SH3RF1: variants seen among roughly 807,000 people sequenced by gnomAD.
The protein encoded by SH3RF1 is E3 ubiquitin-protein ligase SH3RF1.
In SH3RF1, 32 loss-of-function variants were observed where a neutral mutation model predicts 74.0. The observed-to-expected ratio is 0.43, with a 90% CI of 0.33 to 0.58. The LOEUF is 0.58. Ranked by LOEUF, SH3RF1 falls within the 20% of genes least tolerant of loss-of-function variation. The pLI, the probability that SH3RF1 is intolerant of heterozygous loss-of-function variation, is 0.05. For synonymous variants in SH3RF1, 396 were observed against 439.6 expected, an observed-to-expected ratio of 0.90 and a Z score of 1.24; for missense variants, 954 against 1,130.9, an observed-to-expected ratio of 0.84 and a Z score of 2.24.
chr4:169,139,007 A>C (rs1733741681), intron 4 of SH3RF1, among the ~76,000 whole-genome samples: 1 of 152,196 alleles, frequency 6.6e-6, no homozygotes, highest in Non-Finnish European at 1.5e-5. Context: ...GCTGAAGTGC[A>C]GTGGCACATT....
intron 11 of SH3RF1, among the ~76,000 whole-genome samples, chr4:169,098,866 A>T (rs1732971875): frequency 2.0e-5 from 3 of 152,218 alleles, no homozygotes; most frequent in Admixed American, 2.0e-4. Flanking sequence ...TGCTCTTCGT[A>T]TGGTGTCTGA....
rs1732887268 is a variant in SH3RF1 at position 169,094,853 on chromosome 4, A to T, written c.*1666T>A. 6.6e-6 allele frequency: 1 copy of T among 151,650 alleles called. No homozygotes were observed. The highest frequency in any genetic ancestry group is 2.1e-4 in the South Asian group (1 of 4,798). 9.4% of individuals were successfully genotyped at this position (151,650 alleles called of 1,614,324 possible). A position where few individuals can be genotyped will look rare whatever the true frequency, so the allele number is the denominator to read the frequency against. ...TAAAGTATCTTTTTAAGACCATGAA[A>T]CCTCTTGTCATTGCAAGACTTTTCA... On this transcript the variant is annotated 3_prime_UTR_variant, in exon 12 of 12. Transcript: ENST00000284637.
At chr4:169,200,918 C>T (rs1411092822) in intron 2 of SH3RF1, among the ~76,000 whole-genome samples, 1 of 151,996 alleles carries the variant, frequency 6.6e-6, no homozygotes, top group African/African-American at 2.4e-5. Context: ...GAATACTTGG[C>T]CCTTTCAAAG....
chr4:169,269,991 T>C (rs1477729142), intron 1 of SH3RF1: 2 of 152,196 alleles, frequency 1.3e-5, no homozygotes, highest in Non-Finnish European at 2.9e-5. Flanking sequence ...CCTAATCCCA[T>C]TCAGAAAAGC....
At position 169,123,891 on chromosome 4, in the gene SH3RF1, C is replaced by CAA. The variant is rs11324240; in HGVS notation, c.1180-1627_1180-1626dup. On this transcript the variant is annotated intron_variant, in intron 6 of 11. Transcript: ENST00000284637. ...TGGGTGACAGAGCAAGACTCCGTCTCAAAAAAAAAAAAAATTGTTATAGCT... is the reference window on the plus strand; with the variant it reads ...TGGGTGACAGAGCAAGACTCCGTCTCAAAAAAAAAAAAAAAATTGTTATAGCT... Among the ~76,000 whole-genome samples the CAA allele has an allele frequency of 4.4e-3, 593 of 134,806 alleles. 3 individuals are homozygous for CAA. The highest frequency in any genetic ancestry group is 0.015 in the African/African-American group (548 of 37,078). The allele number at this position is 134,806 out of a possible 152,430, so 88.4% of individuals were successfully genotyped here.
intron 4 of SH3RF1, among the ~76,000 whole-genome samples, chr4:169,142,933 A>G (rs1473990315): frequency 5.0e-5 from 5 of 100,262 alleles, no homozygotes; most frequent in African/African-American, 1.4e-4. Flanking sequence ...TGGATGACCT[A>G]AATATAAAAG....
intron 2 of SH3RF1, among the ~76,000 whole-genome samples, chr4:169,165,878 T>C (rs945105190): frequency 2.0e-5 from 3 of 152,174 alleles, no homozygotes; most frequent in Non-Finnish European, 4.4e-5. Flanking sequence ...TTTCAAAAGA[T>C]GATTTCAGAA....
At chr4:169,210,242 C>T (rs1248136411) in intron 2 of SH3RF1, among the ~76,000 whole-genome samples, 1 of 152,160 alleles carries the variant, frequency 6.6e-6, no homozygotes, top group African/African-American at 2.4e-5. Flanking sequence ...CCCTCCTACT[C>T]TCCTTTCAAT....
At chr4:169,260,845 T>C (rs976267625) in intron 2 of SH3RF1, among the ~76,000 whole-genome samples, 1 of 152,338 alleles carries the variant, frequency 6.6e-6, no homozygotes, top group East Asian at 1.9e-4. Flanking sequence ...CTGTATTTTA[T>C]GTAGCTCTAC....
At chr4:169,175,630 C>T in intron 2 of SH3RF1, among the ~76,000 whole-genome samples, 1 of 152,168 alleles carries the variant, frequency 6.6e-6, no homozygotes, top group East Asian at 1.9e-4. Flanking sequence ...AACACAACTT[C>T]CTCACCCTGA....
chr4:169,247,968 C>G (rs1430684891), intron 2 of SH3RF1, among the ~76,000 whole-genome samples: 1 of 152,250 alleles, frequency 6.6e-6, no homozygotes, highest in East Asian at 1.9e-4. Flanking sequence ...GAATGGCGAT[C>G]ATTAAAAAGT....
chr4:169,223,476 G>A (rs1730603737), intron 2 of SH3RF1, among the ~76,000 whole-genome samples: 1 of 152,170 alleles, frequency 6.6e-6, no homozygotes, highest in South Asian at 2.1e-4. Context: ...GGAAACCAGA[G>A]CATGAGGCAG....
intron 2 of SH3RF1, among the ~76,000 whole-genome samples, chr4:169,231,667 C>T (rs879609858): frequency 6.6e-6 from 1 of 152,148 alleles, no homozygotes; most frequent in Non-Finnish European, 1.5e-5. Context: ...CTCAAAGCTG[C>T]TATAGAATAC....
intron 2 of SH3RF1, among the ~76,000 whole-genome samples, chr4:169,225,639 A>C (rs73863699): frequency 0.014 from 2,072 of 152,288 alleles, 33 homozygotes; most frequent in African/African-American, 0.047. Context: ...TGCAATGTTA[A>C]AGGAAGTGAG....
intron 6 of SH3RF1, among the ~76,000 whole-genome samples, chr4:169,124,257 T>G (rs1218998771): frequency 2.0e-5 from 3 of 152,208 alleles, no homozygotes; most frequent in Admixed American, 6.5e-5. Context: ...TAAAATCATC[T>G]ATTATAGCTT....
chr4:169,155,630 T>C (rs1579110486), intron 3 of SH3RF1, 55 bp from the exon 4 acceptor site: 3 of 1,311,562 alleles, frequency 2.3e-6, no homozygotes, highest in Admixed American at 1.8e-5. Context: ...ACCATTAAGC[T>C]TGTCATTTAA....
intron 2 of SH3RF1, among the ~76,000 whole-genome samples, chr4:169,240,461 G>T (rs3109089): frequency 1.1e-4 from 17 of 151,936 alleles, no homozygotes; most frequent in South Asian, 2.1e-4. Flanking sequence ...GCCTCCCAAA[G>T]CTCTGGGATT....
At chr4:169,245,614 C>A (rs1561063385) in intron 2 of SH3RF1, among the ~76,000 whole-genome samples, 1 of 152,070 alleles carries the variant, frequency 6.6e-6, no homozygotes, top group Non-Finnish European at 1.5e-5. Flanking sequence ...TGGAGAAAAC[C>A]GGATAATCCA....
intron 11 of SH3RF1, among the ~76,000 whole-genome samples, chr4:169,100,776 C>T (rs1011788915): frequency 1.3e-5 from 2 of 152,224 alleles, no homozygotes; most frequent in Non-Finnish European, 2.9e-5. Flanking sequence ...AGGCCCTAAT[C>T]TCTTTTTACA....
Sources: gnomAD v4.1 joint callset for allele counts (sites outside exome capture counted in the v4.1 genomes callset) on GRCh38, gnomAD v4.1.1 for gene constraint, MANE v1.5 for transcripts, NCBI Gene and HGNC (gene_info 2026-07-23, HGNC 2026-07-21) for gene names.